Variants in TP63 observed in about 807,000 individuals in gnomAD.
TP63 encodes tumor protein 63.
TP63 carries 17 observed loss-of-function variants against 82.8 expected under a neutral mutation model. That is an observed-to-expected ratio of 0.21 (90% CI 0.14 to 0.31). TP63 has a LOEUF of 0.31. TP63 is among the 10% of genes least tolerant of loss of function. The pLI, the probability that TP63 is intolerant of heterozygous loss-of-function variation, is 1.00. For missense variants in TP63, 648 were observed against 895.3 expected, an observed-to-expected ratio of 0.72 and a Z score of 3.52; for synonymous variants, 330 against 321.7, an observed-to-expected ratio of 1.03 and a Z score of -0.28.
At chr3:189,827,504 G>T (rs1711595868) in intron 4 of TP63, among the ~76,000 whole-genome samples, 1 of 152,166 alleles carries the variant, frequency 6.6e-6, no homozygotes, top group South Asian at 2.1e-4. Context: ...GTGGAATGTA[G>T]TACAGAAAAC....
intron 1 of TP63, among the ~76,000 whole-genome samples, chr3:189,698,208 C>T (rs888714887): frequency 2.0e-5 from 3 of 152,094 alleles, no homozygotes; most frequent in South Asian, 2.1e-4. Flanking sequence ...TTCTCCTATA[C>T]TCCCAATGTC....
intron 1 of TP63, among the ~76,000 whole-genome samples, chr3:189,682,824 CT>C (rs1175577044): frequency 5.3e-5 from 8 of 151,844 alleles, no homozygotes; most frequent in African/African-American, 1.9e-4. Flanking sequence ...CATAATTTTA[CT>C]TCCTAAAATT....
intron 13 of TP63, among the ~76,000 whole-genome samples, chr3:189,891,945 T>A (rs1350233473): frequency 6.6e-6 from 1 of 152,152 alleles, no homozygotes; most frequent in Non-Finnish European, 1.5e-5. Context: ...CCCTGCAGCA[T>A]AAGAATGCCC....
At chr3:189,625,967 A>T in the TP63 span, among the ~76,000 whole-genome samples, 1 of 151,906 alleles carries the variant, frequency 6.6e-6, no homozygotes. Flanking sequence ...TCCTTCGGAC[A>T]CTCCCTTAAG....
At chr3:189,626,994 A>G (rs534399160), upstream of TP63, among the ~76,000 whole-genome samples, 1 of 152,230 alleles carries the variant, frequency 6.6e-6, no homozygotes, top group South Asian at 2.1e-4. Context: ...TTTATACCCA[A>G]GGAATCCTGA....
intron 4 of TP63, 135 bp downstream of exon 4, chr3:189,808,661 T>C: frequency 1.3e-6 from 2 of 1,518,088 alleles, no homozygotes; most frequent in Admixed American, 3.5e-5. Flanking sequence ...GAATATTTAA[T>C]ACTGAACCAG....
the TP63 span, among the ~76,000 whole-genome samples, chr3:189,615,213 T>C: frequency 9.1e-4 from 139 of 152,314 alleles, 2 homozygotes; most frequent in South Asian, 0.028. Flanking sequence ...TCCCTCTCAC[T>C]CACTCTAGCC....
chr3:189,602,967 G>T, the TP63 span, among the ~76,000 whole-genome samples: 1 of 152,060 alleles, frequency 6.6e-6, no homozygotes. Context: ...TAAACTTTTA[G>T]ACTTATAAAT....
At chr3:189,824,842 A>C (rs1441721583) in intron 4 of TP63, among the ~76,000 whole-genome samples, 1 of 152,092 alleles carries the variant, frequency 6.6e-6, no homozygotes, top group Non-Finnish European at 1.5e-5. Context: ...TTTAAAAAAA[A>C]AAAAAAAAAG....
chr3:189,754,628 A>G (rs1449284139), intron 3 of TP63, among the ~76,000 whole-genome samples: 1 of 152,088 alleles, frequency 6.6e-6, no homozygotes, highest in Non-Finnish European at 1.5e-5. Flanking sequence ...CTGATTTCTG[A>G]TATGTCATAG....
intron 3 of TP63, among the ~76,000 whole-genome samples, chr3:189,768,572 C>T (rs2108552131): frequency 6.6e-6 from 1 of 152,216 alleles, no homozygotes; most frequent in South Asian, 2.1e-4. Flanking sequence ...AAAGTCAACA[C>T]ACTATTATTA....
intron 1 of TP63, among the ~76,000 whole-genome samples, chr3:189,659,815 A>T (rs767406940): frequency 1.3e-5 from 2 of 151,938 alleles, no homozygotes; most frequent in Non-Finnish European, 2.9e-5. Context: ...GAAGTTAAGC[A>T]TGTTTTTTCA....
chr3:189,676,583 G>C (rs7649341), intron 1 of TP63, among the ~76,000 whole-genome samples: 2 of 151,518 alleles, frequency 1.3e-5, no homozygotes, highest in African/African-American at 4.8e-5. Context: ...TGTGTATCCC[G>C]TATGTTCCTT....
rs76280643 is a variant in TP63 at position 189,701,470 on chromosome 3, G to T, written c.63-36270G>T. On this transcript the variant is annotated intron_variant, in intron 1 of 13. Coordinates refer to ENST00000264731, the MANE Select transcript of TP63 (RefSeq NM_003722.5). Reference sequence around the variant, plus strand: ...TGAGAAGCCACCTTTCAGGAAGCTGGAGATAAGGGTGTATGAGAACTGATT... The same window carrying T: ...TGAGAAGCCACCTTTCAGGAAGCTGTAGATAAGGGTGTATGAGAACTGATT... 8.7e-3 allele frequency among the ~76,000 whole-genome samples: 1,314 copies of T among 150,256 alleles called. 17 individuals carry two copies. Among genetic ancestry groups the T allele is most frequent in the Non-Finnish European group, 0.013 (847 of 67,720 alleles).
chr3:189,670,399 T>G (rs188013877), intron 1 of TP63, among the ~76,000 whole-genome samples: 3 of 152,216 alleles, frequency 2.0e-5, no homozygotes, highest in African/African-American at 7.2e-5. Flanking sequence ...AGAGCACATG[T>G]TGAGCCATAA....
chr3:189,670,677 A>G (rs2108672335), intron 1 of TP63, among the ~76,000 whole-genome samples: 1 of 152,230 alleles, frequency 6.6e-6, no homozygotes, highest in East Asian at 1.9e-4. Flanking sequence ...TTAGTAACCA[A>G]AACAGTCTGG....
intron 3 of TP63, among the ~76,000 whole-genome samples, chr3:189,786,479 ACACG>A (rs754581182): frequency 6.8e-6 from 1 of 146,848 alleles, no homozygotes; most frequent in Admixed American, 6.9e-5. Context: ...ACACACACAC[ACACG>A]CATGCACAAA....
At chr3:189,841,147 T>A (rs1002590143) in intron 4 of TP63, among the ~76,000 whole-genome samples, 13 of 152,176 alleles carry the variant, frequency 8.5e-5, no homozygotes, top group African/African-American at 2.9e-4. Context: ...TCCTGCAATG[T>A]ACATATAGTA....
chr3:189,803,295 T>C (rs1726511599), intron 3 of TP63, among the ~76,000 whole-genome samples: 1 of 152,162 alleles, frequency 6.6e-6, no homozygotes, highest in Non-Finnish European at 1.5e-5. Context: ...TGAAACTCCA[T>C]CTCAAAGAAA....
Sources: gnomAD v4.1 joint callset for allele counts (sites outside exome capture counted in the v4.1 genomes callset) on GRCh38, gnomAD v4.1.1 for gene constraint, MANE v1.5 for transcripts, NCBI Gene and HGNC (gene_info 2026-07-23, HGNC 2026-07-21) for gene names.